Variants in HECTD4 observed in about 807,000 individuals in gnomAD.
HECTD4 encodes the protein probable E3 ubiquitin-protein ligase HECTD4.
Under a neutral mutation model 471.5 loss-of-function variants are expected in HECTD4, and 114 were observed. The observed-to-expected ratio is 0.24, with a 90% CI of 0.21 to 0.28. HECTD4 has a LOEUF of 0.28. HECTD4 is among the 10% of genes least tolerant of loss of function. The probability of loss-of-function intolerance (pLI) is 1.00; values close to 1 mark genes in which losing one functional copy is unlikely to be tolerated. For synonymous variants in HECTD4, 2,012 were observed against 2,256.0 expected (o/e 0.89, Z 3.07); for missense variants, 3,866 against 5,651.5 (o/e 0.68, Z 10.13).
intron 27 of HECTD4, 76 bp downstream of exon 27, chr12:112,247,991 C>T: frequency 2.0e-6 from 2 of 1,001,826 alleles, no homozygotes; most frequent in Non-Finnish European, 3.0e-6. Flanking sequence ...CACACACACA[C>T]ACACACACAC....
intron 41 of HECTD4, among the ~76,000 whole-genome samples, chr12:112,229,034 C>T (rs913668825): frequency 3.3e-5 from 5 of 152,094 alleles, no homozygotes; most frequent in East Asian, 3.8e-4. Context: ...AATAGAAACT[C>T]GTTACTGCTA....
intron 72 of HECTD4, among the ~76,000 whole-genome samples, chr12:112,164,870 C>T (rs1020497782): frequency 1.3e-5 from 2 of 150,868 alleles, no homozygotes; most frequent in East Asian, 3.9e-4. Flanking sequence ...GATCTACCTG[C>T]CTCAGCCTTC....
chr12:112,311,437 CATAAATAAATAAATAA>C lies in HECTD4; in HGVS notation c.916+1564_916+1579del, dbSNP rs112895022. Among the ~76,000 whole-genome samples the C allele has an allele frequency of 8.5e-5, 12 of 140,852 alleles. 1 individual carries two copies. The highest frequency in any genetic ancestry group is 4.6e-5 in the Non-Finnish European group (3 of 65,564). The allele number at this position is 140,852 out of a possible 152,430, so 92.4% of individuals were successfully genotyped here. On this transcript the variant is annotated intron_variant, in intron 4 of 75. Coordinates refer to ENST00000682272, the MANE Select transcript of HECTD4 (RefSeq NM_001388303.1). The stretch of plus-strand genomic sequence containing the variant: ...CAACAAAGCGAGATCCCCGTCTCTA[CATAAATAAATAAATAA>C]ATAAATAAATAAATAAAGTAATTAT...
In HECTD4 at chr12:112,208,478, C is replaced by A. The variant is rs776244227; in HGVS notation, c.8004+16G>T. On this transcript the variant is annotated intron_variant, in intron 51 of 75. Transcript: ENST00000682272. Reference sequence around the variant, plus strand: ...AAATGCTGCTGAGTCCTGATCTAAGCCTGTGGGTCTCTTACCTGAGGGATG... The same window carrying A: ...AAATGCTGCTGAGTCCTGATCTAAGACTGTGGGTCTCTTACCTGAGGGATG... 1 of 1,567,336 alleles carries A rather than the reference C, an allele frequency of 6.4e-7. No homozygotes were observed. The highest frequency in any genetic ancestry group is 8.6e-7 in the Non-Finnish European group (1 of 1,160,270).
Position 112,164,169 on chromosome 12 carries a change from T to C in HECTD4, c.12641A>G (p.Tyr4214Cys), listed in dbSNP as rs1484076816. Residue 4214 changes from tyrosine (Y) to cysteine (C), a missense_variant, in exon 73 of 76, where the codon TAC becomes TGC. By Grantham distance (194) the Tyr-to-Cys change is radical (BLOSUM62 -2). Transcript: ENST00000682272. ...CACCTCCTCGCCCGTCATGGTCAGG[T>C]AGGTGAACCTGCAGCAGGGCTTGTT... is the stretch of plus-strand genomic sequence containing the variant. ...SPNKPCCRFT[Y>C]LTMTGEEVEL... 2.5e-6 allele frequency: 4 copies of C among 1,613,464 alleles called. No homozygotes were observed. The highest frequency in any genetic ancestry group is 3.4e-6 in the Non-Finnish European group (4 of 1,179,830).
In HECTD4 at chr12:112,228,008, G is replaced by T; in HGVS notation, c.6854+81C>A. 1 of 1,309,202 alleles carries T rather than the reference G, an allele frequency of 7.6e-7. No homozygotes were observed. Among genetic ancestry groups the T allele is most frequent in the Non-Finnish European group, 1.0e-6 (1 of 965,188 alleles). The allele number at this position is 1,309,202 out of a possible 1,614,324, so 81.1% of individuals were successfully genotyped here. On this transcript the variant is annotated intron_variant, in intron 43 of 75. Transcript: ENST00000682272. The surrounding 1 kb of genome is among the most constrained non-coding windows in gnomAD (Gnocchi z 4.9). ...AAGCTGTGGATTCACTAAGTTGGGA[G>T]TGGAGGGGCCCACCAAGGATCCCTT...
rs2035547815 is a variant in HECTD4 at position 112,319,701 on chromosome 12, T to C, written c.219A>G (p.Glu73=). ...GATTCCCACAAACAGAGCGCAAACG[T>C]TCTGCTAATTCCGACGGGTTCTTGG... is the stretch of plus-strand genomic sequence containing the variant. ...FETKNPSELA[E]RLRSVCGNQS... Residue 73 remains glutamate, a synonymous_variant, in exon 2 of 76, where the codon GAA becomes GAG. Coordinates refer to ENST00000682272, the MANE Select transcript of HECTD4 (RefSeq NM_001388303.1). The surrounding 1 kb of genome is among the most constrained non-coding windows in gnomAD (Gnocchi z 5.3). 1.6e-6 allele frequency: 2 copies of C among 1,259,736 alleles called. No individual in the cohort carries two copies. Among genetic ancestry groups the C allele is most frequent in the African/African-American group, 3.1e-5 (2 of 65,334 alleles). 78.0% of individuals were successfully genotyped at this position (1,259,736 alleles called of 1,614,324 possible).
chr12:112,292,218 A>G, intron 7 of HECTD4, among the ~76,000 whole-genome samples: 1 of 152,058 alleles, frequency 6.6e-6, no homozygotes. Flanking sequence ...CAACAAGCCA[A>G]CCTCATGCCT....
At chr12:112,224,425 C>A (rs887020187) in intron 44 of HECTD4, among the ~76,000 whole-genome samples, 11 of 152,158 alleles carry the variant, frequency 7.2e-5, no homozygotes, top group African/African-American at 2.4e-4. Flanking sequence ...CGCCACCACG[C>A]CTGGCTAATT....
Position 112,254,144 on chromosome 12 carries a change from G to A in HECTD4, c.3346C>T (p.Pro1116Ser). ...DYDKLVIYAG[P>S]NTNSRKVAEY... ...GCAACCTTCCTACTGTTTGTGTTAG[G>A]CCCCGCATATATCACCAACTTCAAA... Residue 1116 changes from proline (P) to serine (S), a missense_variant, in exon 22 of 76, where the codon CCT becomes TCT. This residue lies in a region of HECTD4 where 281 missense variants were observed against 499.9 expected (regional missense o/e 0.56). Transcript: ENST00000682272. 1 of 1,613,762 alleles carries A rather than the reference G, an allele frequency of 6.2e-7. No homozygotes were observed.
At chr12:112,273,985 A>G (rs1283860007) in intron 10 of HECTD4, among the ~76,000 whole-genome samples, 190 bp from the exon 11 acceptor site, 1 of 152,230 alleles carries the variant, frequency 6.6e-6, no homozygotes, top group African/African-American at 2.4e-5. Flanking sequence ...TTTAATTTTT[A>G]ATTTTGCTTA....
At chr12:112,331,678 A>G (rs192809628) in intron 1 of HECTD4, among the ~76,000 whole-genome samples, 94 of 152,322 alleles carry the variant, frequency 6.2e-4, no homozygotes, top group East Asian at 1.9e-4. Context: ...GATCACCAAC[A>G]AGAAAGGGAA....
chr12:112,235,065 CATT>C lies in HECTD4; in HGVS notation c.5915+9_5915+11del. On this transcript the variant is annotated intron_variant, in intron 37 of 75. Coordinates refer to ENST00000682272, the MANE Select transcript of HECTD4 (RefSeq NM_001388303.1). This position sits in a 1 kb window ranked among gnomAD's most constrained non-coding sequence, Gnocchi z 5.0. ...CTTGAGGATGTGTAGCTATCACAATCATTATGGTCACCTTAGCAATGGCTGGAG... is the reference window on the plus strand; with the variant it reads ...CTTGAGGATGTGTAGCTATCACAATCATGGTCACCTTAGCAATGGCTGGAG... The C allele has an allele frequency of 6.4e-7, 1 of 1,555,562 alleles. No homozygotes were observed. The highest frequency in any genetic ancestry group is 8.7e-7 in the Non-Finnish European group (1 of 1,149,100).
At chr12:112,302,751 C>A in intron 7 of HECTD4, 1 of 373,334 alleles carries the variant, frequency 2.7e-6, no homozygotes, top group Non-Finnish European at 4.8e-6. Flanking sequence ...CCTCACTTTT[C>A]TAATGATCCT....
rs748581302 is a variant in HECTD4, at chr12:112,200,864, CGT to C, written c.8407-68_8407-67del. 7.8e-5 allele frequency: 109 copies of C among 1,392,752 alleles called. 1 individual carries two copies. The highest frequency in any genetic ancestry group is 1.9e-4 in the South Asian group (15 of 77,826). The allele number at this position is 1,392,752 out of a possible 1,614,324, so 86.3% of individuals were successfully genotyped here. ...TTTGTTTTCCATGTGTGCGTGCGTG[CGT>C]GTGTGTGTGCGTGCGTGCGTGTGTG... is the stretch of plus-strand genomic sequence containing the variant. On this transcript the variant is annotated intron_variant, in intron 54 of 75. Transcript: ENST00000682272.
rs372000525 is a variant in HECTD4, at chr12:112,378,394, A to AT, written c.177+3557dup. Among the ~76,000 whole-genome samples the AT allele has an allele frequency of 1.6e-3, 239 of 145,316 alleles. 1 individual carries two copies. Among genetic ancestry groups the AT allele is most frequent in the African/African-American group, 4.8e-3 (191 of 40,052 alleles). On this transcript the variant is annotated intron_variant, in intron 1 of 75. Transcript: ENST00000682272. ...CCACCACGCCCGGCTAATTTTTTGT[A>AT]TTTTTTTTTTTAGTAGAGACGGGGT...
In HECTD4 at chr12:112,265,951, C is replaced by T; in HGVS notation, c.2425G>A (p.Asp809Asn). Reference protein sequence around the residue: ...ERNSGLSQLRDVILTNLAEQL... With the variant: ...ERNSGLSQLRNVILTNLAEQL... ...TCAGCCAGGTTGGTTAGGATCACAT[C>T]CCGTAGCTGGGAGAGTCCACTGTTT... is the stretch of plus-strand genomic sequence containing the variant. The change falls in exon 15 of 76, where the codon GAT (aspartate) becomes AAT (asparagine). Residue 809 changes from aspartate (D) to asparagine (N), a missense_variant. By Grantham distance (23) the Asp-to-Asn change is conservative. Around this residue, in one of 16 missense-constraint regions of HECTD4, gnomAD observed 525 missense variants for 672.6 expected, o/e 0.78. Coordinates refer to ENST00000682272, the MANE Select transcript of HECTD4 (RefSeq NM_001388303.1). 1.9e-6 allele frequency: 3 copies of T among 1,613,950 alleles called. No homozygotes were observed. The highest frequency in any genetic ancestry group is 2.5e-6 in the Non-Finnish European group (3 of 1,179,850).
At chr12:112,300,994 C>T (rs2035151920) in intron 7 of HECTD4, among the ~76,000 whole-genome samples, 1 of 152,016 alleles carries the variant, frequency 6.6e-6, no homozygotes, top group Non-Finnish European at 1.5e-5. Context: ...AAGGAATTCT[C>T]CTGCCTCAGC....
chr12:112,346,703 C>T (rs1335252966), intron 1 of HECTD4, among the ~76,000 whole-genome samples: 1 of 152,110 alleles, frequency 6.6e-6, no homozygotes, highest in Non-Finnish European at 1.5e-5. Context: ...TGAATTTCTC[C>T]AGCCCCGACA....
Sources: allele counts gnomAD v4.1 joint callset (sites outside exome capture counted in the v4.1 genomes callset), GRCh38; gene constraint gnomAD v4.1.1; regional missense constraint gnomAD v4.1.1; non-coding constraint Gnocchi (gnomAD v3.1); transcripts MANE v1.5; gene names NCBI Gene and HGNC (gene_info 2026-07-23, HGNC 2026-07-21).